PPM1D: variants seen among roughly 807,000 people sequenced by gnomAD.
PPM1D encodes the protein protein phosphatase, Mg2+/Mn2+ dependent 1D, also known as protein phosphatase 1D.
Under a neutral mutation model 58.3 loss-of-function variants are expected in PPM1D, and 52 were observed. The ratio of observed to expected loss-of-function variants is 0.89; its 90% confidence interval spans 0.71 to 1.12. The LOEUF (loss-of-function observed/expected upper bound fraction) is 1.12. PPM1D is among the 50% of genes most tolerant of loss of function. PPM1D has a pLI of 0.00. For missense variants in PPM1D, 564 were observed against 777.2 expected, an observed-to-expected ratio of 0.73 and a Z score of 3.26; for synonymous variants, 278 against 285.1, an observed-to-expected ratio of 0.98 and a Z score of 0.25.
At position 60,665,783 on chromosome 17, in the gene PPM1D, A is replaced by G. The variant is rs934875494; in HGVS notation, c.*2231A>G. The G allele has an allele frequency of 3.3e-5, 5 of 152,214 alleles. No individual in the cohort carries two copies. The highest frequency in any genetic ancestry group is 7.3e-5 in the Non-Finnish European group (5 of 68,054). The allele number at this position is 152,214 out of a possible 1,614,324, so 9.4% of individuals were successfully genotyped here. Reference sequence around the variant, plus strand: ...ATCTTTCGAAGGTGTCATTGGGGCTAGAAGATCTGCTTCCCGCAAGACTCA... The same window carrying G: ...ATCTTTCGAAGGTGTCATTGGGGCTGGAAGATCTGCTTCCCGCAAGACTCA... On this transcript the variant is annotated 3_prime_UTR_variant, in exon 6 of 6. Transcript: ENST00000305921.
At chr17:60,633,147 T>G (rs1044230006) in intron 2 of PPM1D, among the ~76,000 whole-genome samples, 10 of 151,650 alleles carry the variant, frequency 6.6e-5, no homozygotes, top group African/African-American at 2.4e-4. Flanking sequence ...TAGCCAGGCA[T>G]GGTAGCATAC....
intron 3 of PPM1D, among the ~76,000 whole-genome samples, chr17:60,634,434 T>C (rs1402532799): frequency 6.6e-6 from 1 of 152,146 alleles, no homozygotes; most frequent in Non-Finnish European, 1.5e-5. Context: ...GGTTTAGGTA[T>C]ATAATTCACT....
chr17:60,638,665 G>C (rs559416448), intron 3 of PPM1D, among the ~76,000 whole-genome samples: 1 of 151,862 alleles, frequency 6.6e-6, no homozygotes, highest in African/African-American at 2.4e-5. Context: ...CACCGCGACC[G>C]ACCGGCCTGG....
intron 4 of PPM1D, among the ~76,000 whole-genome samples, chr17:60,648,675 C>T (rs1023372533): frequency 2.0e-5 from 3 of 151,986 alleles, no homozygotes; most frequent in Admixed American, 6.6e-5. Context: ...CCACTGCGCC[C>T]GGCCAAAATT....
In PPM1D at chr17:60,657,191, A is replaced by G; in HGVS notation, c.1260+350A>G. 3.2e-6 allele frequency: 3 copies of G among 926,498 alleles called. No homozygotes were observed. The South Asian group carries it at 6.4e-5, about 20-fold the overall frequency. 57.4% of individuals were successfully genotyped at this position (926,498 alleles called of 1,614,324 possible). ...AGAGCTAATGTTATTATTTCATTTT[A>G]TCAGTAATAAGCCTGAGAGATTAAA... is the stretch of plus-strand genomic sequence containing the variant. On this transcript the variant is annotated intron_variant, in intron 5 of 5. Transcript: ENST00000305921.
chr17:60,638,307 A>C (rs929422492), intron 3 of PPM1D, among the ~76,000 whole-genome samples: 6 of 152,176 alleles, frequency 3.9e-5, no homozygotes, highest in Non-Finnish European at 7.4e-5. Flanking sequence ...TTTAGATTTT[A>C]ATATTTAAGC....
intron 4 of PPM1D, among the ~76,000 whole-genome samples, chr17:60,650,348 C>T (rs1420868415): frequency 1.3e-5 from 2 of 152,100 alleles, no homozygotes; most frequent in Admixed American, 6.6e-5. Context: ...GTCAGGAGTT[C>T]GAGACCGGCC....
chr17:60,647,777 A>G, intron 3 of PPM1D, 115 bp from the exon 4 acceptor site: 1 of 1,022,522 alleles, frequency 9.8e-7, no homozygotes, highest in Non-Finnish European at 1.4e-6. Context: ...AATGTTATCA[A>G]ATGCTTTTCT....
At chr17:60,654,234 A>AT (rs1395556167) in intron 4 of PPM1D, among the ~76,000 whole-genome samples, 6 of 146,960 alleles carry the variant, frequency 4.1e-5, no homozygotes, top group Non-Finnish European at 7.5e-5. Context: ...GTGATGTTCA[A>AT]TTTTACGAAA....
intron 2 of PPM1D, among the ~76,000 whole-genome samples, chr17:60,632,909 G>A (rs1475156179): frequency 2.0e-5 from 3 of 152,100 alleles, no homozygotes; most frequent in African/African-American, 4.8e-5. Flanking sequence ...GGAAGTTGCA[G>A]TGAGTCGAGA....
intron 1 of PPM1D, among the ~76,000 whole-genome samples, chr17:60,608,419 TGGGAGGCCGA>T (rs1411952867): frequency 6.6e-6 from 1 of 152,136 alleles, no homozygotes; most frequent in Non-Finnish European, 1.5e-5. Flanking sequence ...CCCAGCACTT[TGGGAGGCCGA>T]GGCAGGCAGA....
At chr17:60,624,956 A>T (rs895229484) in intron 2 of PPM1D, among the ~76,000 whole-genome samples, 2 of 152,084 alleles carry the variant, frequency 1.3e-5, no homozygotes, top group Non-Finnish European at 2.9e-5. Flanking sequence ...CTTGGGGAAC[A>T]TGGTGAAACC....
At chr17:60,623,451 G>A in intron 1 of PPM1D, 70 bp from the exon 2 acceptor site, 1 of 1,407,040 alleles carries the variant, frequency 7.1e-7, no homozygotes, top group Non-Finnish European at 9.6e-7. Context: ...AGAGTTTGTT[G>A]CCATTTGTAT....
chr17:60,631,018 A>G (rs938767363), intron 2 of PPM1D, among the ~76,000 whole-genome samples: 6 of 152,260 alleles, frequency 3.9e-5, no homozygotes, highest in African/African-American at 1.2e-4. Flanking sequence ...AACTCTTGTT[A>G]TGATCAACCT....
chr17:60,647,196 A>G (rs1031215460), intron 3 of PPM1D, among the ~76,000 whole-genome samples: 9 of 152,208 alleles, frequency 5.9e-5, no homozygotes, highest in African/African-American at 2.2e-4. Context: ...TTATTATAGT[A>G]AGTATTGCTA....
At chr17:60,624,286 CAA>C (rs751735929) in intron 2 of PPM1D, among the ~76,000 whole-genome samples, 8 of 152,008 alleles carry the variant, frequency 5.3e-5, no homozygotes, top group Non-Finnish European at 1.2e-4. Flanking sequence ...TTCTAAAAAT[CAA>C]GAGAGTGAAT....
intron 1 of PPM1D, among the ~76,000 whole-genome samples, chr17:60,604,007 C>G (rs2030278098): frequency 6.6e-6 from 1 of 152,276 alleles, no homozygotes; most frequent in East Asian, 1.9e-4. Context: ...GAATTTGAAA[C>G]CTTAGTAATG....
chr17:60,654,196 CTTA>C (rs1318561517), intron 4 of PPM1D, among the ~76,000 whole-genome samples: 1 of 150,674 alleles, frequency 6.6e-6, no homozygotes, highest in Non-Finnish European at 1.5e-5. Context: ...TTCTACTATA[CTTA>C]TTTTTGTTGG....
In PPM1D at chr17:60,645,524, A is replaced by G. The variant is rs12943527; in HGVS notation, c.827-2368A>G. On this transcript the variant is annotated intron_variant, in intron 3 of 5. Coordinates refer to ENST00000305921, the MANE Select transcript of PPM1D (RefSeq NM_003620.4). The stretch of plus-strand genomic sequence containing the variant: ...TATATATATATGTGTATATATATGT[A>G]TATATATATGTGTATATATATGTAT... Among the ~76,000 whole-genome samples, 490 of 114,416 alleles carry G rather than the reference A, an allele frequency of 4.3e-3. 6 individuals carry two copies. Among genetic ancestry groups the G allele is most frequent in the African/African-American group, 0.027 (421 of 15,800 alleles). The allele number at this position is 114,416 out of a possible 152,430, so 75.1% of individuals were successfully genotyped here. A position where few individuals can be genotyped will look rare whatever the true frequency, so the allele number is the denominator to read the frequency against.
Sources: gnomAD v4.1 joint callset for allele counts (sites outside exome capture counted in the v4.1 genomes callset) on GRCh38, gnomAD v4.1.1 for gene constraint, MANE v1.5 for transcripts, NCBI Gene and HGNC (gene_info 2026-07-23, HGNC 2026-07-21) for gene names.